The following THADA variants were observed in gnomAD, a reference collection of about 807,000 sequenced individuals.
THADA encodes THADA armadillo repeat containing, also known as tRNA (32-2'-O)-methyltransferase regulator THADA.
A neutral mutation model predicts 219.8 loss-of-function variants in THADA; 213 were observed. The observed-to-expected ratio is 0.97, with a 90% CI of 0.87 to 1.09. THADA has a LOEUF of 1.09. Ranked by LOEUF, THADA falls within the 50% of genes least tolerant of loss-of-function variation. THADA has a pLI of 0.00. For missense variants in THADA, 2,956 were observed against 2,311.3 expected (o/e 1.28, Z -5.72); for synonymous variants, 1,018 against 828.9 (o/e 1.23, Z -3.92).
chr2:43,466,348 C>T (rs1684234441), intron 26 of THADA, among the ~76,000 whole-genome samples: 1 of 152,174 alleles, frequency 6.6e-6, no homozygotes. Flanking sequence ...CTCCCTTTGC[C>T]CCTACAGTTT....
chr2:43,396,540 T>G (rs1573448149), intron 29 of THADA, among the ~76,000 whole-genome samples: 2 of 152,094 alleles, frequency 1.3e-5, no homozygotes, highest in Admixed American at 6.5e-5. Context: ...GTGACTCATG[T>G]CCATAATCCC....
intron 26 of THADA, among the ~76,000 whole-genome samples, chr2:43,471,292 G>A (rs529037498): frequency 6.6e-6 from 1 of 152,262 alleles, no homozygotes; most frequent in East Asian, 1.9e-4. Flanking sequence ...TTGGGAGACC[G>A]AGGCAGGAGG....
intron 15 of THADA, chr2:43,564,027 C>T (rs1304937364): frequency 3.3e-5 from 5 of 152,218 alleles, no homozygotes; most frequent in Admixed American, 2.6e-4. Flanking sequence ...TATTAAATTA[C>T]TCTCTTGACT....
chr2:43,545,405 G>T (rs1455599773), intron 20 of THADA, among the ~76,000 whole-genome samples: 1 of 151,826 alleles, frequency 6.6e-6, no homozygotes, highest in Non-Finnish European at 1.5e-5. Context: ...AGTTAGGGAG[G>T]ATTCCCTCTT....
chr2:43,450,916 G>C (rs1362557800), intron 26 of THADA, among the ~76,000 whole-genome samples: 3 of 152,180 alleles, frequency 2.0e-5, no homozygotes, highest in Non-Finnish European at 4.4e-5. Flanking sequence ...GAGACAGAAA[G>C]TAGAATGGTG....
At chr2:43,315,222 T>C (rs928574610) in intron 31 of THADA, among the ~76,000 whole-genome samples, 2 of 152,222 alleles carry the variant, frequency 1.3e-5, no homozygotes, top group African/African-American at 4.8e-5. Flanking sequence ...TTTAAACATA[T>C]GTATATACAC....
intron 29 of THADA, among the ~76,000 whole-genome samples, chr2:43,390,481 GT>G (rs1673230094): frequency 6.6e-6 from 1 of 152,154 alleles, no homozygotes. Flanking sequence ...CCCATGTCTT[GT>G]GATAGAATTT....
chr2:43,316,818 T>C (rs950352582), intron 31 of THADA, among the ~76,000 whole-genome samples: 2 of 152,134 alleles, frequency 1.3e-5, no homozygotes, highest in East Asian at 3.9e-4. Context: ...TCCCAGCTAC[T>C]CGGGAGGCTG....
intron 28 of THADA, among the ~76,000 whole-genome samples, chr2:43,416,293 G>A (rs577206344): frequency 2.0e-5 from 3 of 152,344 alleles, no homozygotes; most frequent in African/African-American, 7.2e-5. Context: ...ACATCTGTCA[G>A]TAACAATTCA....
chr2:43,520,713 T>TATATATATATACACAC (rs1218079783), intron 22 of THADA, among the ~76,000 whole-genome samples: 1 of 125,048 alleles, frequency 8.0e-6, no homozygotes, highest in African/African-American at 3.0e-5. Context: ...TATATATATA[T>TATATATATATACACAC]ACACACACAC....
intron 26 of THADA, among the ~76,000 whole-genome samples, chr2:43,447,196 AT>A (rs1177289559): frequency 6.6e-6 from 1 of 152,116 alleles, no homozygotes; most frequent in Non-Finnish European, 1.5e-5. Context: ...CCATGATTCA[AT>A]TACCTCCCAC....
intron 36 of THADA, among the ~76,000 whole-genome samples, chr2:43,240,315 T>C (rs1668489176): frequency 6.6e-6 from 1 of 152,208 alleles, no homozygotes; most frequent in Admixed American, 6.5e-5. Context: ...ACTTTCTTTT[T>C]TTCTGAGCAA....
Position 43,430,287 on chromosome 2 carries a change from C to T in THADA, c.3852G>A (p.Glu1284=), listed in dbSNP as rs754681443. 3.2e-6 allele frequency: 5 copies of T among 1,546,896 alleles called. No individual in the cohort carries two copies. The highest frequency in any genetic ancestry group is 4.0e-5 in the Admixed American group (2 of 50,098). The change falls in exon 27 of 38, where the codon GAG becomes GAA. Residue 1284 remains glutamate (E), a synonymous_variant. Transcript: ENST00000405975. ...HSKTNRMTGR[E]FFSRFPELYP... is the part of the protein sequence containing the mutation. ...AGAGTTCTGGGAAACGAGAGAAAAA[C>T]TCTCTCCCTGTCATTCTGTGAAAGA...
chr2:43,488,733 T>C (rs186469905), intron 25 of THADA, among the ~76,000 whole-genome samples: 801 of 152,312 alleles, frequency 5.3e-3, no homozygotes, highest in Admixed American at 9.5e-3. Context: ...AACTCTATGT[T>C]TAACCTTCAA....
At chr2:43,525,635 G>C (rs1036537165) in intron 22 of THADA, among the ~76,000 whole-genome samples, 4 of 152,144 alleles carry the variant, frequency 2.6e-5, no homozygotes, top group Non-Finnish European at 4.4e-5. Flanking sequence ...GTTGTCTTAG[G>C]TCCCTTGTGA....
intron 11 of THADA, 133 bp downstream of exon 11, chr2:43,574,203 A>T (rs1040225614): frequency 1.4e-6 from 1 of 711,344 alleles, no homozygotes; most frequent in African/African-American, 1.8e-5. Context: ...AAACTGAAAC[A>T]TCTATCATTA....
intron 31 of THADA, among the ~76,000 whole-genome samples, chr2:43,299,491 T>C (rs1049501204): frequency 6.6e-6 from 1 of 151,024 alleles, no homozygotes; most frequent in Non-Finnish European, 1.5e-5. Context: ...AAACCCCGTC[T>C]CTACTAAAAA....
chr2:43,550,020 TAA>T (rs1306157015), intron 19 of THADA, among the ~76,000 whole-genome samples: 2 of 152,210 alleles, frequency 1.3e-5, no homozygotes, highest in African/African-American at 4.8e-5. Context: ...CATATTACAT[TAA>T]GTTTCATTTT....
At chr2:43,368,587 A>C (rs1283090614) in intron 29 of THADA, among the ~76,000 whole-genome samples, 1 of 151,304 alleles carries the variant, frequency 6.6e-6, no homozygotes, top group Non-Finnish European at 1.5e-5. Context: ...TTGTGGAGAC[A>C]GGGTCTCACT....
Sources: gnomAD v4.1 joint callset for allele counts (sites outside exome capture counted in the v4.1 genomes callset) on GRCh38, gnomAD v4.1.1 for gene constraint, MANE v1.5 for transcripts, NCBI Gene and HGNC (gene_info 2026-07-23, HGNC 2026-07-21) for gene names.